Variants in PSD3 observed in about 807,000 individuals in gnomAD.
PSD3 encodes the protein pleckstrin and Sec7 domain containing 3.
PSD3 carries 49 observed loss-of-function variants against 105.5 expected under a neutral mutation model. That is an observed-to-expected ratio of 0.46 (90% CI 0.37 to 0.59). The LOEUF is 0.59. PSD3 is among the 20% of genes least tolerant of loss of function. The pLI is 0.00. For missense variants in PSD3, 1,561 were observed against 1,263.8 expected (o/e 1.24, Z -3.57); for synonymous variants, 557 against 457.8 (o/e 1.22, Z -2.77).
intron 1 of PSD3, among the ~76,000 whole-genome samples, chr8:19,069,069 A>G (rs1382266466): frequency 6.6e-6 from 1 of 152,186 alleles, no homozygotes; most frequent in African/African-American, 2.4e-5. Context: ...AAGCTCACAT[A>G]GGGCAAGTTG....
chr8:18,698,442 T>A (rs1439922389), intron 9 of PSD3, among the ~76,000 whole-genome samples: 1 of 151,754 alleles, frequency 6.6e-6, no homozygotes, highest in Non-Finnish European at 1.5e-5. Flanking sequence ...ACAAAAGAGG[T>A]TGGAGGTTCA....
At chr8:18,965,362 G>T (rs900657308) in intron 1 of PSD3, among the ~76,000 whole-genome samples, 2 of 152,160 alleles carry the variant, frequency 1.3e-5, no homozygotes, top group African/African-American at 4.8e-5. Flanking sequence ...GAAATCAAGG[G>T]AATAGGTTGC....
At chr8:19,052,075 C>T (rs965302271) in intron 1 of PSD3, among the ~76,000 whole-genome samples, 19 of 152,134 alleles carry the variant, frequency 1.2e-4, no homozygotes, top group Non-Finnish European at 2.5e-4. Context: ...GCAAGGTCTG[C>T]AGGGAGGAGC....
At chr8:18,630,444 G>C (rs1026801639) in intron 11 of PSD3, among the ~76,000 whole-genome samples, 1 of 151,826 alleles carries the variant, frequency 6.6e-6, no homozygotes, top group Non-Finnish European at 1.5e-5. Flanking sequence ...ACTGGGTCCA[G>C]GAAAACAGTG....
intron 4 of PSD3, among the ~76,000 whole-genome samples, chr8:18,840,091 C>A (rs1563332452): frequency 6.6e-6 from 1 of 152,134 alleles, no homozygotes; most frequent in East Asian, 1.9e-4. Context: ...AATGCTGATC[C>A]TGTTGTTCTC....
chr8:19,040,819 C>T (rs1828097480), intron 1 of PSD3, among the ~76,000 whole-genome samples: 1 of 152,172 alleles, frequency 6.6e-6, no homozygotes, highest in Admixed American at 6.5e-5. Context: ...ATGAGTTGTT[C>T]TTGGACCACA....
At chr8:18,830,028 T>C (rs1813553183) in intron 4 of PSD3, among the ~76,000 whole-genome samples, 2 of 152,160 alleles carry the variant, frequency 1.3e-5, no homozygotes, top group Non-Finnish European at 1.5e-5. Flanking sequence ...AGCGCAGCGG[T>C]ACAATCTCAG....
intron 4 of PSD3, among the ~76,000 whole-genome samples, chr8:18,866,664 T>A (rs1358821727): frequency 6.6e-6 from 1 of 152,134 alleles, no homozygotes; most frequent in African/African-American, 2.4e-5. Context: ...GAGCCAATCC[T>A]GAATTTGCTC....
intron 11 of PSD3, among the ~76,000 whole-genome samples, chr8:18,607,356 T>C (rs1804915620): frequency 6.6e-6 from 1 of 152,088 alleles, no homozygotes; most frequent in African/African-American, 2.4e-5. Flanking sequence ...ACACATACTG[T>C]TTTAGGCACT....
At chr8:18,647,959 G>GCCTC (rs1808175434) in intron 10 of PSD3, among the ~76,000 whole-genome samples, 1 of 152,102 alleles carries the variant, frequency 6.6e-6, no homozygotes, top group African/African-American at 2.4e-5. Flanking sequence ...GTTTCCCGAG[G>GCCTC]CCTCCCCAGA....
intron 11 of PSD3, among the ~76,000 whole-genome samples, chr8:18,603,695 G>A (rs1804601898): frequency 6.6e-6 from 1 of 152,196 alleles, no homozygotes; most frequent in Non-Finnish European, 1.5e-5. Context: ...ATTGGGTCAT[G>A]TGGGTGGTTT....
chr8:18,991,373 T>TAC (rs71545538), intron 1 of PSD3, among the ~76,000 whole-genome samples: 21,003 of 99,858 alleles, frequency 0.21, 1,600 homozygotes, highest in African/African-American at 0.3. Context: ...CACACACACA[T>TAC]ACACACACAC....
intron 14 of PSD3, among the ~76,000 whole-genome samples, chr8:18,560,563 A>T (rs1229372485): frequency 6.6e-6 from 1 of 152,134 alleles, no homozygotes; most frequent in Non-Finnish European, 1.5e-5. Context: ...TTAAAAAATG[A>T]AATTGAAAAT....
intron 9 of PSD3, among the ~76,000 whole-genome samples, chr8:18,748,785 C>G (rs1193484333): frequency 2.0e-5 from 3 of 151,862 alleles, no homozygotes; most frequent in Non-Finnish European, 4.4e-5. Context: ...TCTCTCCACA[C>G]AAGCTGGGAC....
intron 9 of PSD3, among the ~76,000 whole-genome samples, chr8:18,705,650 A>G (rs1042370445): frequency 6.6e-6 from 1 of 152,034 alleles, no homozygotes; most frequent in Non-Finnish European, 1.5e-5. Context: ...AGATCTTTTT[A>G]GTATATTAAT....
At chr8:18,702,605 C>CTCTT (rs924689120) in intron 9 of PSD3, among the ~76,000 whole-genome samples, 3 of 151,660 alleles carry the variant, frequency 2.0e-5, no homozygotes, top group East Asian at 1.9e-4. Flanking sequence ...GCTATAGGTA[C>CTCTT]TCTTTCTTTC....
At chr8:19,022,796 G>T (rs1032200273) in intron 1 of PSD3, among the ~76,000 whole-genome samples, 10 of 151,568 alleles carry the variant, frequency 6.6e-5, no homozygotes. Flanking sequence ...TCTCTCATTA[G>T]CACTTATTTT....
intron 8 of PSD3, among the ~76,000 whole-genome samples, chr8:18,780,950 G>A (rs1457838353): frequency 6.6e-6 from 1 of 152,284 alleles, no homozygotes; most frequent in Non-Finnish European, 1.5e-5. Flanking sequence ...AGGGCCAGTA[G>A]AGTGGTGATT....
intron 4 of PSD3, among the ~76,000 whole-genome samples, chr8:18,860,262 CA>C (rs1244313892): frequency 1.3e-5 from 2 of 151,540 alleles, no homozygotes; most frequent in African/African-American, 4.9e-5. Context: ...TATGGGGCCC[CA>C]AAACAATGAC....
Sources: gnomAD v4.1 joint callset for allele counts (sites outside exome capture counted in the v4.1 genomes callset) on GRCh38, gnomAD v4.1.1 for gene constraint, MANE v1.5 for transcripts, NCBI Gene and HGNC (gene_info 2026-07-23, HGNC 2026-07-21) for gene names.